The following ZNF717 variants were observed in gnomAD, a reference collection of about 807,000 sequenced individuals.
ZNF717 encodes krueppel-like factor X17.
A neutral mutation model predicts 13.8 loss-of-function variants in ZNF717; 9 were observed. The ratio of observed to expected loss-of-function variants is 0.65; its 90% CI spans 0.39 to 1.14. The LOEUF is 1.14. ZNF717 is among the 50% of genes most tolerant of loss of function. The pLI, the probability that ZNF717 is intolerant of heterozygous loss-of-function variation, is 0.01. For missense variants in ZNF717, 1,040 were observed against 1,080.7 expected (o/e 0.96, Z 0.53); for synonymous variants, 327 against 364.1 (o/e 0.90, Z 1.16).
chr3:75,711,744 C>A (rs145114852), intron 5 of ZNF717, among the ~76,000 whole-genome samples: 1 of 152,068 alleles, frequency 6.6e-6, no homozygotes, highest in Non-Finnish European at 1.5e-5. Context: ...AGAGTGAGAC[C>A]CTGTCTCAAA....
chr3:75,775,094 T>C (rs1422535576), intron 2 of ZNF717, among the ~76,000 whole-genome samples: 2 of 152,140 alleles, frequency 1.3e-5, no homozygotes, highest in African/African-American at 4.8e-5. Context: ...CACAAGTAGC[T>C]GGGATTACAG....
chr3:75,724,244 C>T (rs1938230440), intron 4 of ZNF717, among the ~76,000 whole-genome samples: 1 of 151,924 alleles, frequency 6.6e-6, no homozygotes, highest in Non-Finnish European at 1.5e-5. Context: ...TACTAGTCTC[C>T]ACGTCTTGGT....
In ZNF717 at chr3:75,741,288, G is replaced by A; in HGVS notation, c.265C>T (p.Leu89=). ...TTCACTGACTGACCTGAAAGTCTCA[G>A]GTTTGGGGTTTCTTCTACTATCCAT... ...EPWIVEETPN[L]RLSAVQIIDD... Residue 89 remains leucine (L), a synonymous_variant, in exon 4 of 5, where the codon CTG becomes TTG. Coordinates refer to ENST00000652011, the MANE Select transcript of ZNF717 (RefSeq NM_001290208.3). 6.5e-7 allele frequency: 1 copy of A among 1,547,934 alleles called. No individual in the cohort carries two copies. The highest frequency in any genetic ancestry group is 2.0e-5 in the Admixed American group (1 of 50,994).
chr3:75,745,707 T>C (rs1941088468), intron 2 of ZNF717, among the ~76,000 whole-genome samples: 2 of 152,088 alleles, frequency 1.3e-5, no homozygotes, highest in Admixed American at 1.3e-4. Context: ...AGGAGTCATG[T>C]CATGATATAT....
intron 2 of ZNF717, among the ~76,000 whole-genome samples, chr3:75,744,017 T>C (rs1267326436): frequency 1.3e-5 from 2 of 152,146 alleles, no homozygotes; most frequent in Admixed American, 6.5e-5. Flanking sequence ...CCTGAATCCA[T>C]CAGACCAAAT....
intron 2 of ZNF717, among the ~76,000 whole-genome samples, chr3:75,755,202 T>G (rs1349416714): frequency 6.6e-6 from 1 of 152,236 alleles, no homozygotes; most frequent in Non-Finnish European, 1.5e-5. Context: ...TTAAATGAAA[T>G]TCTTTAGAGG....
At chr3:75,731,533 C>T (rs1938549836), downstream of ZNF717, among the ~76,000 whole-genome samples, 3 of 151,028 alleles carry the variant, frequency 2.0e-5, no homozygotes, top group Non-Finnish European at 2.9e-5. Context: ...TGCACTCCAG[C>T]CTGAGCAACA....
At chr3:75,748,437 TCAATA>T (rs1295396098) in intron 2 of ZNF717, among the ~76,000 whole-genome samples, 7 of 152,178 alleles carry the variant, frequency 4.6e-5, no homozygotes, top group African/African-American at 1.4e-4. Context: ...GCGAAAATCC[TCAATA>T]CAATACTTGC....
At chr3:75,723,815 G>A (rs1167734131) in intron 4 of ZNF717, among the ~76,000 whole-genome samples, 1 of 152,088 alleles carries the variant, frequency 6.6e-6, no homozygotes, top group Non-Finnish European at 1.5e-5. Flanking sequence ...TCGGGAAAGC[G>A]AGTCTCCCTT....
At chr3:75,728,959 C>T (rs111512109), downstream of ZNF717, among the ~76,000 whole-genome samples, 1 of 148,852 alleles carries the variant, frequency 6.7e-6, no homozygotes, top group Admixed American at 6.7e-5. Flanking sequence ...TCATCCATGC[C>T]TTTCTCTCAG....
At chr3:75,767,544 CA>C (rs529513355) in intron 2 of ZNF717, among the ~76,000 whole-genome samples, 204 of 152,286 alleles carry the variant, frequency 1.3e-3, no homozygotes, top group African/African-American at 4.8e-3. Flanking sequence ...ACCATTCATG[CA>C]AGCTGGAAGG....
In ZNF717 at chr3:75,785,511, G is replaced by C. The variant is rs372112998; in HGVS notation, c.-130C>G. The C allele has an allele frequency of 3.9e-5, 6 of 152,588 alleles. No individual in the cohort carries two copies. The East Asian group carries it at 9.6e-4, about 25-fold the overall frequency. The allele number at this position is 152,588 out of a possible 1,614,324, so 9.5% of individuals were successfully genotyped here. ...CTCTTCGCCCTCGCACCGACCCGCA[G>C]GGACATAGAACCAAGCCCCAGGCTG... On this transcript the variant is annotated 5_prime_UTR_variant, in exon 1 of 5. Coordinates refer to ENST00000652011, the MANE Select transcript of ZNF717 (RefSeq NM_001290208.3).
At chr3:75,768,442 G>A (rs1445433930) in intron 2 of ZNF717, among the ~76,000 whole-genome samples, 20 of 146,582 alleles carry the variant, frequency 1.4e-4, no homozygotes, top group African/African-American at 5.1e-4. Context: ...CAGATGACAG[G>A]CCACCACAAC....
chr3:75,775,775 G>A (rs113985938), intron 2 of ZNF717, among the ~76,000 whole-genome samples: 1 of 138,640 alleles, frequency 7.2e-6, no homozygotes, highest in South Asian at 2.3e-4. Flanking sequence ...TCGCTTGAAC[G>A]CAGGAGGCAG....
chr3:75,755,182 G>C (rs1206629437), intron 2 of ZNF717, among the ~76,000 whole-genome samples: 1 of 152,198 alleles, frequency 6.6e-6, no homozygotes, highest in African/African-American at 2.4e-5. Flanking sequence ...GACCTGTCTT[G>C]CAAGAAATGT....
intron 6 of ZNF717, among the ~76,000 whole-genome samples, chr3:75,700,004 T>G (rs1442347877): frequency 6.6e-6 from 1 of 152,312 alleles, no homozygotes; most frequent in East Asian, 1.9e-4. Flanking sequence ...GACCCAAAAA[T>G]TGGAAAGATA....
intron 6 of ZNF717, among the ~76,000 whole-genome samples, chr3:75,699,932 C>T: frequency 6.6e-6 from 1 of 152,302 alleles, no homozygotes; most frequent in African/African-American, 2.4e-5. Context: ...TGGGAATTTA[C>T]CAAAGAAATA....
intron 2 of ZNF717, among the ~76,000 whole-genome samples, chr3:75,749,209 G>T (rs796410899): frequency 6.6e-6 from 1 of 151,262 alleles, no homozygotes; most frequent in East Asian, 2.0e-4. Context: ...CTGAATGTTT[G>T]TCCCTCACAT....
chr3:75,712,957 ATTAG>A (rs139940037), intron 5 of ZNF717, among the ~76,000 whole-genome samples: 61,519 of 150,160 alleles, frequency 0.41, 12,811 homozygotes, highest in South Asian at 0.6. Context: ...AATTATATAT[ATTAG>A]TTAGGCTAGG....
Sources: gnomAD v4.1 joint callset for allele counts (sites outside exome capture counted in the v4.1 genomes callset) on GRCh38, gnomAD v4.1.1 for gene constraint, MANE v1.5 for transcripts, NCBI Gene and HGNC (gene_info 2026-07-23, HGNC 2026-07-21) for gene names.